SLC6A20: variants seen among roughly 807,000 people sequenced by gnomAD.
SLC6A20 encodes sodium- and chloride-dependent transporter XTRP3.
A neutral mutation model predicts 64.3 loss-of-function variants in SLC6A20; 73 were observed. The observed-to-expected ratio is 1.14, with a 90% CI of 0.94 to 1.38. The LOEUF (loss-of-function observed/expected upper bound fraction) is 1.38. SLC6A20 is among the 40% of genes most tolerant of loss of function. The pLI, the probability that SLC6A20 is intolerant of heterozygous loss-of-function variation, is 0.00. For synonymous variants in SLC6A20, 347 were observed against 329.6 expected, an observed-to-expected ratio of 1.05 and a Z score of -0.57; for missense variants, 725 against 772.8, an observed-to-expected ratio of 0.94 and a Z score of 0.73.
In SLC6A20 at chr3:45,779,965, T is replaced by C. The variant is rs780658630; in HGVS notation, c.354+44A>G. ...GCGGGTGGCCCTGTTTTTCTCTCCC[T>C]TTCTCGCTCCTACTCCTGTTCTGGC... is the stretch of plus-strand genomic sequence containing the variant. On this transcript the variant is annotated intron_variant, in intron 3 of 10. Transcript: ENST00000358525. The C allele has an allele frequency of 7.1e-6, 11 of 1,554,648 alleles. No individual in the cohort carries two copies. The South Asian group carries it at 1.1e-4, about 15-fold the overall frequency.
chr3:45,791,880 G>A (rs867179212), intron 1 of SLC6A20, among the ~76,000 whole-genome samples: 58 of 152,248 alleles, frequency 3.8e-4, no homozygotes, highest in African/African-American at 1.4e-3. Context: ...TCCAACATTG[G>A]GATTACAATT....
intron 8 of SLC6A20, among the ~76,000 whole-genome samples, chr3:45,764,383 C>T (rs1234426939): frequency 6.6e-6 from 1 of 152,094 alleles, no homozygotes; most frequent in Non-Finnish European, 1.5e-5. Flanking sequence ...AGAGTGTGTA[C>T]AATAGGACTT....
At chr3:45,763,365 T>C (rs541012509) in intron 8 of SLC6A20, among the ~76,000 whole-genome samples, 1 of 152,164 alleles carries the variant, frequency 6.6e-6, no homozygotes, top group Admixed American at 6.5e-5. Context: ...GCAGACGTAG[T>C]GGGCACTGTC....
rs186271387 is a variant in SLC6A20, at chr3:45,767,235, G to A, written c.1099-1494C>T. ...TATCATGAGCCAGCAATTCTAAATA[G>A]TGTTAAAATACTGCTCTCCTTCTCT... On this transcript the variant is annotated intron_variant, in intron 7 of 10. Coordinates refer to ENST00000358525, the MANE Select transcript of SLC6A20 (RefSeq NM_020208.4). Among the ~76,000 whole-genome samples the A allele has an allele frequency of 1.9e-3, 291 of 152,274 alleles. 1 individual carries two copies. The highest frequency in any genetic ancestry group is 2.9e-3 in the Non-Finnish European group (197 of 68,020).
chr3:45,768,611 C>T (rs542658322), intron 7 of SLC6A20, among the ~76,000 whole-genome samples: 3 of 152,314 alleles, frequency 2.0e-5, no homozygotes, highest in African/African-American at 7.2e-5. Context: ...AGGCATGGAG[C>T]TAGGGCTGAA....
In SLC6A20 at chr3:45,765,487, C is replaced by T. The variant is rs200212349; in HGVS notation, c.1303+50G>A. 3.9e-4 allele frequency: 607 copies of T among 1,568,822 alleles called. 6 individuals are homozygous for T. In the Admixed American group the frequency reaches 8.6e-3, roughly 22 times the overall value. Reference sequence around the variant, plus strand: ...GGGAGCTCTCCCCTGTTCACCCCCACGCCTTGGCCCTCCTGACCCCTGCCT... The same window carrying T: ...GGGAGCTCTCCCCTGTTCACCCCCATGCCTTGGCCCTCCTGACCCCTGCCT... On this transcript the variant is annotated intron_variant, in intron 8 of 10. Coordinates refer to ENST00000358525, the MANE Select transcript of SLC6A20 (RefSeq NM_020208.4). This position sits in a 1 kb window ranked among gnomAD's most constrained non-coding sequence, Gnocchi z 4.2.
intron 1 of SLC6A20, chr3:45,791,504 A>T (rs1185601682): frequency 6.6e-6 from 1 of 152,250 alleles, no homozygotes; most frequent in East Asian, 1.9e-4. Context: ...ACCAAGTGGG[A>T]GTGAGACATG....
rs561113284 is a variant in SLC6A20, at chr3:45,762,152, C to T, written c.1463+761G>A. On this transcript the variant is annotated intron_variant, in intron 9 of 10. Transcript: ENST00000358525. ...ATCTGATTCAGCAGGATGGGGTGGG[C>T]CCGAGCTTCTGCAGTCCCAACGAGC... Among the ~76,000 whole-genome samples, 55 of 152,346 alleles carry T rather than the reference C, an allele frequency of 3.6e-4. 2 individuals carry two copies. The South Asian group carries it at 0.011, about 30-fold the overall frequency.
intron 6 of SLC6A20, among the ~76,000 whole-genome samples, chr3:45,770,834 A>G (rs1272463310): frequency 1.3e-5 from 2 of 152,230 alleles, no homozygotes; most frequent in Non-Finnish European, 2.9e-5. Context: ...TGACTACCCA[A>G]CTGGACAGCA....
intron 8 of SLC6A20, among the ~76,000 whole-genome samples, chr3:45,763,479 C>T (rs1439534300): frequency 2.6e-5 from 4 of 152,102 alleles, no homozygotes; most frequent in Non-Finnish European, 4.4e-5. Flanking sequence ...GGGGAGGAGG[C>T]TTGAATATGG....
intron 3 of SLC6A20, among the ~76,000 whole-genome samples, chr3:45,779,392 C>T (rs755049553): frequency 1.3e-5 from 2 of 152,188 alleles, no homozygotes; most frequent in Non-Finnish European, 2.9e-5. Flanking sequence ...CAATTCTAGC[C>T]CCTTCCACTT....
At chr3:45,777,881 G>A (rs939350030) in intron 3 of SLC6A20, among the ~76,000 whole-genome samples, 11 of 152,292 alleles carry the variant, frequency 7.2e-5, no homozygotes, top group African/African-American at 2.6e-4. Flanking sequence ...CGGGGGTGAT[G>A]CCCAGGCTGC....
At chr3:45,794,951 G>A (rs1186794606) in intron 1 of SLC6A20, among the ~76,000 whole-genome samples, 2 of 152,192 alleles carry the variant, frequency 1.3e-5, no homozygotes, top group Non-Finnish European at 2.9e-5. Context: ...AGAATGCACT[G>A]TTTTAAAAAC....
chr3:45,786,837 T>A (rs1006920494), intron 1 of SLC6A20, among the ~76,000 whole-genome samples: 2 of 152,228 alleles, frequency 1.3e-5, no homozygotes, highest in African/African-American at 4.8e-5. Context: ...GAGGCACACA[T>A]TGAGCCCTGT....
rs559664753 is a variant in SLC6A20 at position 45,763,030 on chromosome 3, G to A, written c.1346C>T (p.Thr449Met). The A allele has an allele frequency of 3.7e-5, 60 of 1,614,126 alleles. 1 individual carries two copies. The highest frequency in any genetic ancestry group is 9.9e-5 in the South Asian group (9 of 91,078). The change falls in exon 9 of 11, where the codon ACG (threonine) becomes ATG (methionine). Residue 449 changes from threonine (T) to methionine (M), a missense_variant. Thr to Met is a moderately conservative substitution (Grantham distance 81). Transcript: ENST00000358525. ...LVNCAIGMVF[T>M]MEAGNYWFDI... ...AAACCAGTAGTTCCCAGCCTCCATC[G>A]TGAACACCATGCCAATGGCACAGTT...
rs555875763 is a variant in SLC6A20 at position 45,757,333 on chromosome 3, G to A, written c.*1645C>T. 1 of 152,162 alleles carries A rather than the reference G, an allele frequency of 6.6e-6. No homozygotes were observed. Among genetic ancestry groups the A allele is most frequent in the East Asian group, 1.9e-4 (1 of 5,154 alleles). The allele number at this position is 152,162 out of a possible 1,614,324, so 9.4% of individuals were successfully genotyped here. On this transcript the variant is annotated 3_prime_UTR_variant, in exon 11 of 11. Coordinates refer to ENST00000358525, the MANE Select transcript of SLC6A20 (RefSeq NM_020208.4). ...AGGTGTCGGGCTGGGGGACAGTCAG[G>A]TCTTTCCCTTCCCATGAGGCCATAT...
At chr3:45,779,951 T>G in intron 3 of SLC6A20, 58 bp downstream of exon 3, 2 of 1,534,504 alleles carry the variant, frequency 1.3e-6, no homozygotes, top group Non-Finnish European at 1.8e-6. Context: ...CGGGTGGCCC[T>G]GTTTTTCTCT....
chr3:45,779,506 C>G (rs961732762), intron 3 of SLC6A20, among the ~76,000 whole-genome samples: 1 of 152,104 alleles, frequency 6.6e-6, no homozygotes, highest in East Asian at 1.9e-4. Flanking sequence ...TCTAGGAGAA[C>G]TTAGGGGTCT....
At position 45,758,886 on chromosome 3, in the gene SLC6A20, C is replaced by G. The variant is rs1163744716; in HGVS notation, c.*92G>C. ...ACACTCAGGAAGTTGATGGGCTGAG[C>G]ACTCCTGGCTTAAGCATTTGAAAAA... On this transcript the variant is annotated 3_prime_UTR_variant, in exon 11 of 11. Transcript: ENST00000358525. 31 of 1,455,422 alleles carry G rather than the reference C, an allele frequency of 2.1e-5. No individual in the cohort carries two copies. The Admixed American group carries it at 8.0e-4, about 38-fold the overall frequency. 90.2% of individuals were successfully genotyped at this position (1,455,422 alleles called of 1,614,324 possible). A position where few individuals can be genotyped will look rare whatever the true frequency, so the allele number is the denominator to read the frequency against.
Sources: allele counts gnomAD v4.1 joint callset (sites outside exome capture counted in the v4.1 genomes callset), GRCh38; gene constraint gnomAD v4.1.1; non-coding constraint Gnocchi (gnomAD v3.1); transcripts MANE v1.5; gene names NCBI Gene and HGNC (gene_info 2026-07-23, HGNC 2026-07-21).